The following IMMT variants were observed in gnomAD, a reference collection of about 807,000 sequenced individuals.
IMMT encodes the protein MICOS complex subunit MIC60.
Under a neutral mutation model 92.7 loss-of-function variants are expected in IMMT, and 40 were observed. The observed-to-expected ratio is 0.43, with a 90% CI of 0.34 to 0.56. The LOEUF (loss-of-function observed/expected upper bound fraction) is 0.56. Among genes scored for constraint, IMMT ranks in the 20% least tolerant of loss-of-function variants. IMMT has a pLI of 0.03. For synonymous variants in IMMT, 322 were observed against 336.1 expected (o/e 0.96, Z 0.46); for missense variants, 831 against 912.1 (o/e 0.91, Z 1.14).
At chr2:86,187,580 G>A (rs1291655109) in intron 1 of IMMT, among the ~76,000 whole-genome samples, 1 of 152,054 alleles carries the variant, frequency 6.6e-6, no homozygotes, top group Non-Finnish European at 1.5e-5. Flanking sequence ...TCTTTTGGCA[G>A]GGAACTTCAA....
chr2:86,152,389 C>G (rs1002670983), intron 11 of IMMT, among the ~76,000 whole-genome samples: 1 of 133,724 alleles, frequency 7.5e-6, no homozygotes, highest in South Asian at 2.4e-4. Context: ...TGCAGTGAGC[C>G]GAAATTGCGC....
At position 86,144,666 on chromosome 2, in the gene IMMT, T is replaced by C; in HGVS notation, c.1879A>G (p.Ser627Gly). The C allele has an allele frequency of 6.2e-7, 1 of 1,613,986 alleles. No individual in the cohort carries two copies. Among genetic ancestry groups the C allele is most frequent in the Non-Finnish European group, 8.5e-7 (1 of 1,179,892 alleles). ...AAACGGGCTCTAAGGGTCTCTTCACTGTACACCCCACGGGTCAGGGACTCT... is the reference window on the plus strand; with the variant it reads ...AAACGGGCTCTAAGGGTCTCTTCACCGTACACCCCACGGGTCAGGGACTCT... ...PPESLTRGVY[S>G]EETLRARFYA... is the part of the protein sequence containing the mutation. Residue 627 changes from serine (S) to glycine (G), a missense_variant, in exon 15 of 15, where the codon AGT (serine) becomes GGT (glycine). By Grantham distance (56) the Ser-to-Gly change is moderately conservative. Transcript: ENST00000410111.
At position 86,147,667 on chromosome 2, in the gene IMMT, A is replaced by G. The variant is rs753622068; in HGVS notation, c.1533+35T>C. 15 of 1,592,878 alleles carry G rather than the reference A, an allele frequency of 9.4e-6. No individual in the cohort carries two copies. The South Asian group carries it at 1.2e-4, about 13-fold the overall frequency. On this transcript the variant is annotated intron_variant, in intron 13 of 14. Transcript: ENST00000410111. ...GGAGAGTCTCTTAATCCTGTCAGGA[A>G]GAGGGGTGTGGCTGAAGGGAGTCCA...
chr2:86,176,354 T>C (rs866183251), intron 3 of IMMT, among the ~76,000 whole-genome samples: 51 of 152,194 alleles, frequency 3.4e-4, no homozygotes, highest in African/African-American at 1.2e-3. Context: ...CTGGTATTAA[T>C]ATAAGGATGA....
chr2:86,179,322 C>T, intron 3 of IMMT, 111 bp downstream of exon 3: 1 of 879,550 alleles, frequency 1.1e-6, no homozygotes, highest in Non-Finnish European at 1.7e-6. Flanking sequence ...CACAGGAGGT[C>T]CTGAACCTCT....
At chr2:86,187,709 G>C (rs535208867) in intron 1 of IMMT, among the ~76,000 whole-genome samples, 1 of 151,946 alleles carries the variant, frequency 6.6e-6, no homozygotes, top group East Asian at 2.0e-4. Context: ...TTGGGAATTC[G>C]AGACCAGCCT....
At chr2:86,159,735 G>A in intron 8 of IMMT, 64 bp from the exon 9 acceptor site, 1 of 1,358,140 alleles carries the variant, frequency 7.4e-7, no homozygotes, top group East Asian at 2.3e-5. Flanking sequence ...AAGTTTTGAT[G>A]TCAGCACAGT....
intron 10 of IMMT, among the ~76,000 whole-genome samples, chr2:86,155,184 C>A (rs1479956735): frequency 6.6e-6 from 1 of 152,094 alleles, no homozygotes; most frequent in East Asian, 1.9e-4. Flanking sequence ...TCTTAATAAC[C>A]TTTGCATTCA....
chr2:86,168,281 C>T (rs149055952), intron 6 of IMMT, among the ~76,000 whole-genome samples: 3,914 of 152,190 alleles, frequency 0.026, 70 homozygotes, highest in Middle Eastern at 0.044. Context: ...TACTAAAATG[C>T]AAAAATAAAT....
Position 86,159,900 on chromosome 2 carries a change from A to G in IMMT, c.897-229T>C, listed in dbSNP as rs1216151560. The G allele has an allele frequency of 1.2e-5, 4 of 333,256 alleles. No individual in the cohort carries two copies. In the Admixed American group the frequency reaches 1.4e-4, roughly 12 times the overall value. The allele number at this position is 333,256 out of a possible 1,614,324, so 20.6% of individuals were successfully genotyped here. ...GAAACCATGCCTCTATTTTATTAAA[A>G]AAACTAAAAGAAAAGTCAATGAAAG... is the stretch of plus-strand genomic sequence containing the variant. On this transcript the variant is annotated intron_variant, in intron 8 of 14. Transcript: ENST00000410111.
chr2:86,195,451 G>T lies in IMMT; in HGVS notation c.-69C>A. The T allele has an allele frequency of 6.7e-7, 1 of 1,500,250 alleles. No individual in the cohort carries two copies. The highest frequency in any genetic ancestry group is 9.0e-7 in the Non-Finnish European group (1 of 1,113,912). The allele number at this position is 1,500,250 out of a possible 1,614,324, so 92.9% of individuals were successfully genotyped here. On this transcript the variant is annotated 5_prime_UTR_variant, in exon 1 of 15. Transcript: ENST00000410111. ...GGCGGCGCGAGTTAAGTGGAGGCGTGCTTGCGTGTGTGCGTGCCCGCGTCC... is the reference window on the plus strand; with the variant it reads ...GGCGGCGCGAGTTAAGTGGAGGCGTTCTTGCGTGTGTGCGTGCCCGCGTCC...
At chr2:86,148,768 C>A (rs962861429) in intron 12 of IMMT, among the ~76,000 whole-genome samples, 29 of 152,064 alleles carry the variant, frequency 1.9e-4, no homozygotes, top group Admixed American at 6.6e-5. Flanking sequence ...TAACAAATAG[C>A]CATAGGTCAC....
chr2:86,185,021 T>C (rs1672671244), intron 1 of IMMT, among the ~76,000 whole-genome samples: 1 of 152,108 alleles, frequency 6.6e-6, no homozygotes, highest in African/African-American at 2.4e-5. Flanking sequence ...ACCCCGTCTC[T>C]ACTAAAAATA....
Position 86,158,246 on chromosome 2 carries a change from TTATACA to T in IMMT, c.1162+340_1162+345del, listed in dbSNP as rs145342424. The T allele has an allele frequency of 5.0e-4, 85 of 170,838 alleles. No homozygotes were observed. The East Asian group carries it at 8.3e-3, about 17-fold the overall frequency. 10.6% of individuals were successfully genotyped at this position (170,838 alleles called of 1,614,324 possible). On this transcript the variant is annotated intron_variant, in intron 10 of 14. Transcript: ENST00000410111. The stretch of plus-strand genomic sequence containing the variant: ...TTAAAGTAATAAGGTTTTTTAATAC[TTATACA>T]TATACAATAATATTTCAGTAGTGTC...
chr2:86,161,815 G>C (rs1184362474), intron 8 of IMMT, 161 bp downstream of exon 8: 1 of 575,228 alleles, frequency 1.7e-6, no homozygotes, highest in Non-Finnish European at 3.2e-6. Context: ...TGCCCGGCCT[G>C]TACAAATTCC....
At chr2:86,169,772 C>T (rs1337801103) in intron 6 of IMMT, among the ~76,000 whole-genome samples, 1 of 148,792 alleles carries the variant, frequency 6.7e-6, no homozygotes, top group Admixed American at 6.6e-5. Context: ...AAAAACTTGG[C>T]CAGGTGTGGT....
chr2:86,179,082 A>AACAAAC (rs1271098128), intron 3 of IMMT, among the ~76,000 whole-genome samples: 1 of 151,970 alleles, frequency 6.6e-6, no homozygotes, highest in Non-Finnish European at 1.5e-5. Flanking sequence ...CAAAAACAAA[A>AACAAAC]ACAAACAAAA....
chr2:86,171,195 A>G lies in IMMT; in HGVS notation c.559+13T>C. On this transcript the variant is annotated intron_variant, in intron 5 of 14. Transcript: ENST00000410111. ...ATCATGTATAAAAGAACAAATAGAA[A>G]TAATTAAATTACCTGAAAGTGCAGG... The G allele has an allele frequency of 6.4e-7, 1 of 1,570,258 alleles. No individual in the cohort carries two copies. Among genetic ancestry groups the G allele is most frequent in the Non-Finnish European group, 8.6e-7 (1 of 1,156,578 alleles).
intron 1 of IMMT, chr2:86,195,026 G>C: frequency 2.9e-6 from 1 of 350,190 alleles, no homozygotes; most frequent in Non-Finnish European, 5.4e-6. Context: ...GCGCCCAACC[G>C]GCGACCCAGA....
Sources: gnomAD v4.1 joint callset for allele counts (sites outside exome capture counted in the v4.1 genomes callset) on GRCh38, gnomAD v4.1.1 for gene constraint, MANE v1.5 for transcripts, NCBI Gene and HGNC (gene_info 2026-07-23, HGNC 2026-07-21) for gene names.